Variants in DIAPH3 observed in about 807,000 individuals in gnomAD.
DIAPH3 encodes the protein diaphanous related formin 3.
Under a neutral mutation model 144.3 loss-of-function variants are expected in DIAPH3, and 117 were observed. That is an observed-to-expected ratio of 0.81 (90% CI 0.70 to 0.95). The LOEUF (loss-of-function observed/expected upper bound fraction) is 0.95. Ranked by LOEUF, DIAPH3 falls within the 40% of genes least tolerant of loss-of-function variation. The pLI is 0.00. For missense variants in DIAPH3, 1,421 were observed against 1,412.7 expected (o/e 1.01, Z -0.09); for synonymous variants, 519 against 488.9 (o/e 1.06, Z -0.81).
At chr13:60,146,354 C>T (rs1375150373) in intron 1 of DIAPH3, among the ~76,000 whole-genome samples, 1 of 152,126 alleles carries the variant, frequency 6.6e-6, no homozygotes, top group African/African-American at 2.4e-5. Context: ...AAGAAATAAG[C>T]TGGGTCATTT....
At chr13:59,819,538 C>A (rs543388519) in intron 24 of DIAPH3, among the ~76,000 whole-genome samples, 1 of 151,688 alleles carries the variant, frequency 6.6e-6, no homozygotes, top group Non-Finnish European at 1.5e-5. Flanking sequence ...TTCTAAAAAA[C>A]GTTCATATAA....
Position 59,972,464 on chromosome 13 carries a change from A to G in DIAPH3, c.1651-1304T>C, listed in dbSNP as rs141259460. 9.2e-3 allele frequency among the ~76,000 whole-genome samples: 1,408 copies of G among 152,348 alleles called. 14 individuals are homozygous for G. The highest frequency in any genetic ancestry group is 0.016 in the Non-Finnish European group (1,115 of 68,038). Reference sequence around the variant, plus strand: ...ACCTTTAACATTTAATAAATGTTACATAATTTTGAATTTTCATGGCACAAT... The same window carrying G: ...ACCTTTAACATTTAATAAATGTTACGTAATTTTGAATTTTCATGGCACAAT... On this transcript the variant is annotated intron_variant, in intron 15 of 27. Coordinates refer to ENST00000400324, the MANE Select transcript of DIAPH3 (RefSeq NM_001042517.2).
chr13:60,142,415 T>C (rs546233193), intron 1 of DIAPH3, among the ~76,000 whole-genome samples: 1 of 152,328 alleles, frequency 6.6e-6, no homozygotes, highest in Non-Finnish European at 1.5e-5. Context: ...CAATTATTTT[T>C]TTAATATGGA....
At chr13:60,092,606 G>C (rs1293353242) in intron 4 of DIAPH3, among the ~76,000 whole-genome samples, 1 of 152,008 alleles carries the variant, frequency 6.6e-6, no homozygotes, top group Non-Finnish European at 1.5e-5. Context: ...AGCCGAGATG[G>C]CGCCACTGCA....
intron 27 of DIAPH3, among the ~76,000 whole-genome samples, chr13:59,746,487 G>A (rs1290455116): frequency 6.6e-5 from 10 of 151,856 alleles, no homozygotes; most frequent in Admixed American, 5.9e-4. Flanking sequence ...GCCTCCGAAA[G>A]TGCTGACATT....
intron 24 of DIAPH3, among the ~76,000 whole-genome samples, chr13:59,819,025 T>A (rs2040926586): frequency 6.6e-6 from 1 of 151,810 alleles, no homozygotes; most frequent in African/African-American, 2.4e-5. Flanking sequence ...CTTTTTCTGA[T>A]CATTTCACCA....
At chr13:60,089,479 A>T (rs1349023814) in intron 4 of DIAPH3, among the ~76,000 whole-genome samples, 1 of 152,146 alleles carries the variant, frequency 6.6e-6, no homozygotes, top group African/African-American at 2.4e-5. Flanking sequence ...ATTCTTTTTT[A>T]TTTTTAAAAA....
At chr13:59,762,863 G>T (rs2037672153) in intron 27 of DIAPH3, among the ~76,000 whole-genome samples, 1 of 152,016 alleles carries the variant, frequency 6.6e-6, no homozygotes, top group Non-Finnish European at 1.5e-5. Context: ...TTAGTTAATG[G>T]GTTGATGCCA....
chr13:59,842,317 A>C (rs1289031406), intron 22 of DIAPH3, among the ~76,000 whole-genome samples: 1 of 152,164 alleles, frequency 6.6e-6, no homozygotes, highest in East Asian at 1.9e-4. Context: ...TTATGCACAC[A>C]TGTCAAATTA....
chr13:59,819,675 C>G (rs1190320532), intron 24 of DIAPH3, among the ~76,000 whole-genome samples: 1 of 150,786 alleles, frequency 6.6e-6, no homozygotes, highest in African/African-American at 2.4e-5. Context: ...GAGTCCTGAA[C>G]AAGCACTCAA....
At chr13:60,154,938 T>C (rs1445414611) in intron 1 of DIAPH3, among the ~76,000 whole-genome samples, 1 of 152,222 alleles carries the variant, frequency 6.6e-6, no homozygotes, top group Non-Finnish European at 1.5e-5. Context: ...TTTTTTCCTG[T>C]ATTATTCTGC....
intron 2 of DIAPH3, among the ~76,000 whole-genome samples, chr13:60,126,001 G>C (rs1484353076): frequency 6.6e-6 from 1 of 152,176 alleles, no homozygotes; most frequent in Non-Finnish European, 1.5e-5. Context: ...AGCACACAGA[G>C]CTTCTAGAAT....
chr13:60,151,575 A>G (rs1168279023), intron 1 of DIAPH3, among the ~76,000 whole-genome samples: 7 of 152,242 alleles, frequency 4.6e-5, no homozygotes, highest in Non-Finnish European at 7.3e-5. Context: ...TTAATGAACC[A>G]GGCAATATAA....
At chr13:59,821,496 A>T (rs552865907) in intron 24 of DIAPH3, among the ~76,000 whole-genome samples, 32 of 152,252 alleles carry the variant, frequency 2.1e-4, no homozygotes, top group Middle Eastern at 6.8e-3. Context: ...AAAAAAATTT[A>T]AAAAATTAAT....
At chr13:60,048,960 A>G (rs2056208354) in intron 4 of DIAPH3, among the ~76,000 whole-genome samples, 1 of 152,182 alleles carries the variant, frequency 6.6e-6, no homozygotes, top group South Asian at 2.1e-4. Context: ...AAGCAGGAGG[A>G]AAAAAATGAA....
intron 24 of DIAPH3, among the ~76,000 whole-genome samples, chr13:59,829,977 A>G (rs1395663026): frequency 6.6e-6 from 1 of 151,956 alleles, no homozygotes; most frequent in East Asian, 1.9e-4. Flanking sequence ...CAGTGGATGA[A>G]TAAACAATGG....
At chr13:60,096,624 G>C (rs1162425115) in intron 3 of DIAPH3, among the ~76,000 whole-genome samples, 1 of 152,152 alleles carries the variant, frequency 6.6e-6, no homozygotes, top group Admixed American at 6.6e-5. Context: ...CCTCAGTATG[G>C]GCAGGCACCA....
At chr13:60,110,211 TA>T (rs1282131950) in intron 3 of DIAPH3, among the ~76,000 whole-genome samples, 1 of 152,194 alleles carries the variant, frequency 6.6e-6, no homozygotes, top group Non-Finnish European at 1.5e-5. Flanking sequence ...TTGATAATGA[TA>T]AATAAGAACA....
intron 17 of DIAPH3, among the ~76,000 whole-genome samples, chr13:59,951,286 G>A (rs990105961): frequency 6.6e-6 from 1 of 151,938 alleles, no homozygotes; most frequent in African/African-American, 2.4e-5. Context: ...TCCCCACTTC[G>A]CTCAGCACTT....
Sources: allele counts gnomAD v4.1 joint callset (sites outside exome capture counted in the v4.1 genomes callset), GRCh38; gene constraint gnomAD v4.1.1; transcripts MANE v1.5; gene names NCBI Gene and HGNC (gene_info 2026-07-23, HGNC 2026-07-21).